VMP1: variants seen among roughly 807,000 people sequenced by gnomAD.
The protein encoded by VMP1 is vacuole membrane protein 1, also known as ectopic P-granules autophagy protein 3 homolog.
Under a neutral mutation model 56.0 loss-of-function variants are expected in VMP1, and 11 were observed. The observed-to-expected ratio is 0.20, with a 90% CI of 0.12 to 0.32. The LOEUF (loss-of-function observed/expected upper bound fraction) is 0.32, where lower values mean the gene tolerates loss of function less well. Ranked by LOEUF, VMP1 falls within the 10% of genes least tolerant of loss-of-function variation. The pLI is 1.00. For missense variants in VMP1, 296 were observed against 490.3 expected (o/e 0.60, Z 3.74); for synonymous variants, 149 against 165.0 (o/e 0.90, Z 0.74).
intron 5 of VMP1, among the ~76,000 whole-genome samples, chr17:59,759,648 ACT>A (rs1019370218): frequency 6.6e-6 from 1 of 151,260 alleles, no homozygotes; most frequent in Non-Finnish European, 1.5e-5. Context: ...CCATTTCTTT[ACT>A]CTTTCTTTTC....
rs988085548 is a variant in VMP1 at position 59,726,943 on chromosome 17, A to G, written c.-26-4478A>G. Reference sequence around the variant, plus strand: ...GAGCTCCGATAGTGCTTTCTACTTCACGATCTTCATAATAGCTAGTATATA... The same window carrying G: ...GAGCTCCGATAGTGCTTTCTACTTCGCGATCTTCATAATAGCTAGTATATA... On this transcript the variant is annotated intron_variant, in intron 1 of 11. Transcript: ENST00000262291. Among the ~76,000 whole-genome samples, 12 of 152,160 alleles carry G rather than the reference A, an allele frequency of 7.9e-5. 1 individual carries two copies. In the South Asian group the frequency reaches 2.5e-3, roughly 31 times the overall value.
At chr17:59,804,385 G>A (rs981197126) in intron 7 of VMP1, among the ~76,000 whole-genome samples, 16 of 151,998 alleles carry the variant, frequency 1.1e-4, no homozygotes, top group Non-Finnish European at 1.9e-4. Context: ...AGGCTGAGGC[G>A]GGTGGATCGC....
At chr17:59,755,341 C>G (rs139489034) in intron 5 of VMP1, among the ~76,000 whole-genome samples, 2,181 of 152,122 alleles carry the variant, frequency 0.014, 27 homozygotes, top group Non-Finnish European at 0.026. Context: ...AACTCCTGAC[C>G]TCAAGTGATC....
intron 2 of VMP1, among the ~76,000 whole-genome samples, chr17:59,731,934 T>A (rs2034840722): frequency 6.6e-6 from 1 of 152,216 alleles, no homozygotes. Context: ...TTGAGATGAA[T>A]AAACTCATAT....
At chr17:59,768,705 G>A (rs945932077) in intron 6 of VMP1, among the ~76,000 whole-genome samples, 6 of 152,020 alleles carry the variant, frequency 3.9e-5, no homozygotes, top group South Asian at 2.1e-4. Flanking sequence ...TTAATTCACC[G>A]GGCGCGGTGG....
At chr17:59,774,941 ATT>A (rs11354629) in intron 7 of VMP1, among the ~76,000 whole-genome samples, 259 of 137,554 alleles carry the variant, frequency 1.9e-3, no homozygotes, top group Middle Eastern at 7.5e-3. Flanking sequence ...TACAAAAAAA[ATT>A]TTTTTTTTTT....
chr17:59,728,684 A>ATTATTTAT lies in VMP1; in HGVS notation c.-26-2720_-26-2713dup, dbSNP rs143800386. On this transcript the variant is annotated intron_variant, in intron 1 of 11. Coordinates refer to ENST00000262291, the MANE Select transcript of VMP1 (RefSeq NM_030938.5). ...CTAAATGAATGAATGAATAAATGAGATTATTTATTTATTTATTTATTTATA... is the reference window on the plus strand; with the variant it reads ...CTAAATGAATGAATGAATAAATGAGATTATTTATTTATTTATTTATTTATTTATTTATA... Among the ~76,000 whole-genome samples the ATTATTTAT allele has an allele frequency of 9.1e-3, 1,371 of 151,278 alleles. 19 individuals carry two copies. Among genetic ancestry groups the ATTATTTAT allele is most frequent in the African/African-American group, 0.019 (768 of 41,148 alleles).
chr17:59,726,468 A>G (rs1182020555), intron 1 of VMP1, among the ~76,000 whole-genome samples: 2 of 151,672 alleles, frequency 1.3e-5, no homozygotes, highest in Non-Finnish European at 2.9e-5. Context: ...TAATTTATGT[A>G]TTTTTAGTAG....
At chr17:59,819,841 C>G (rs1411394877) in intron 10 of VMP1, among the ~76,000 whole-genome samples, 1 of 152,188 alleles carries the variant, frequency 6.6e-6, no homozygotes, top group Non-Finnish European at 1.5e-5. Context: ...GCATATAACA[C>G]CATGCATTAT....
At chr17:59,725,837 C>T (rs544921330) in intron 1 of VMP1, among the ~76,000 whole-genome samples, 3 of 152,114 alleles carry the variant, frequency 2.0e-5, no homozygotes, top group African/African-American at 4.8e-5. Context: ...TTTTTTAGCA[C>T]GTTGTGTAAG....
intron 7 of VMP1, among the ~76,000 whole-genome samples, chr17:59,791,885 T>G (rs1363719186): frequency 2.0e-5 from 3 of 152,216 alleles, no homozygotes; most frequent in African/African-American, 7.2e-5. Flanking sequence ...TGTCATGAAT[T>G]TAGCATCTCC....
chr17:59,756,135 A>G (rs967149730), intron 5 of VMP1, among the ~76,000 whole-genome samples: 6 of 152,126 alleles, frequency 3.9e-5, no homozygotes, highest in African/African-American at 1.4e-4. Flanking sequence ...TTGGGAATCG[A>G]TATTTTACAC....
At chr17:59,774,367 A>T (rs1208602414) in intron 7 of VMP1, among the ~76,000 whole-genome samples, 1 of 151,980 alleles carries the variant, frequency 6.6e-6, no homozygotes, top group East Asian at 1.9e-4. Context: ...CAAGTGAGCT[A>T]TGATCATCCC....
At chr17:59,725,601 G>A (rs2034571687) in intron 1 of VMP1, among the ~76,000 whole-genome samples, 1 of 148,608 alleles carries the variant, frequency 6.7e-6, no homozygotes, top group South Asian at 2.1e-4. Flanking sequence ...TAACTGTTTA[G>A]AACCTCAGTG....
At chr17:59,768,875 A>G (rs569636186) in intron 6 of VMP1, among the ~76,000 whole-genome samples, 39 of 151,902 alleles carry the variant, frequency 2.6e-4, no homozygotes, top group African/African-American at 9.2e-4. Context: ...AGTCCCAGCT[A>G]CTTGGGAGCC....
At chr17:59,727,239 G>A (rs527474688) in intron 1 of VMP1, among the ~76,000 whole-genome samples, 2 of 151,720 alleles carry the variant, frequency 1.3e-5, no homozygotes, top group Non-Finnish European at 1.5e-5. Flanking sequence ...GGTTCATGCC[G>A]TTCTCCTGCC....
intron 6 of VMP1, among the ~76,000 whole-genome samples, chr17:59,772,572 C>T (rs1035673082): frequency 8.6e-5 from 13 of 151,774 alleles, no homozygotes; most frequent in East Asian, 2.0e-4. Context: ...AGTTCGAGAC[C>T]AGCCTGGCCA....
intron 1 of VMP1, among the ~76,000 whole-genome samples, chr17:59,715,378 CCTT>C (rs1424974213): frequency 6.6e-6 from 1 of 152,114 alleles, no homozygotes; most frequent in Non-Finnish European, 1.5e-5. Flanking sequence ...GAAACAGGAA[CCTT>C]CTTCACAAGG....
At chr17:59,755,309 A>C (rs1336260760) in intron 5 of VMP1, among the ~76,000 whole-genome samples, 2 of 151,750 alleles carry the variant, frequency 1.3e-5, no homozygotes, top group African/African-American at 4.8e-5. Context: ...GGAGTTTCAC[A>C]ATGTTGGCCA....
Sources: allele counts gnomAD v4.1 joint callset (sites outside exome capture counted in the v4.1 genomes callset), GRCh38; gene constraint gnomAD v4.1.1; transcripts MANE v1.5; gene names NCBI Gene and HGNC (gene_info 2026-07-23, HGNC 2026-07-21).